Variants in TRDMT1 observed in about 807,000 individuals in gnomAD.
TRDMT1 encodes tRNA (cytosine(38)-C(5))-methyltransferase.
A neutral mutation model predicts 51.2 loss-of-function variants in TRDMT1; 49 were observed. The ratio of observed to expected loss-of-function variants is 0.96; its 90% confidence interval spans 0.76 to 1.21. TRDMT1 has a LOEUF of 1.21. TRDMT1 is among the 50% of genes most tolerant of loss of function. The pLI is 0.00. For synonymous variants in TRDMT1, 187 were observed against 164.6 expected (o/e 1.14, Z -1.04); for missense variants, 534 against 462.3 (o/e 1.16, Z -1.42).
chr10:17,145,771 G>C lies in TRDMT1; in HGVS notation c.*3269C>G. On this transcript the variant is annotated 3_prime_UTR_variant, in exon 11 of 11. Transcript: ENST00000377799. ...ATCAAAGCAAAAGAGCAACCAGAGT[G>C]ACTTTGGTTTGGATGCAGATGCAGC... The C allele has an allele frequency of 1.0e-6, 1 of 985,462 alleles. No homozygotes were observed. The highest frequency in any genetic ancestry group is 1.2e-6 in the Non-Finnish European group (1 of 829,928). 61.0% of individuals were successfully genotyped at this position (985,462 alleles called of 1,614,324 possible). A position where few individuals can be genotyped will look rare whatever the true frequency, so the allele number is the denominator to read the frequency against.
chr10:17,186,747 ATTTAT>A (rs1843986538), intron 1 of TRDMT1, among the ~76,000 whole-genome samples: 1 of 152,218 alleles, frequency 6.6e-6, no homozygotes, highest in African/African-American at 2.4e-5. Context: ...ATGCTATTTT[ATTTAT>A]AATAGTGCAA....
intron 3 of TRDMT1, among the ~76,000 whole-genome samples, chr10:17,163,123 C>G (rs1182606102): frequency 2.6e-5 from 4 of 152,148 alleles, no homozygotes; most frequent in Non-Finnish European, 5.9e-5. Flanking sequence ...GAGACTTAAG[C>G]TGAAGTCTAG....
At position 17,143,966 on chromosome 10, in the gene TRDMT1, G is replaced by A. The variant is rs1837890335; in HGVS notation, c.*5074C>T. 2 of 985,326 alleles carry A rather than the reference G, an allele frequency of 2.0e-6. No homozygotes were observed. The highest frequency in any genetic ancestry group is 6.1e-5 in the Admixed American group (1 of 16,264). The allele number at this position is 985,326 out of a possible 1,614,324, so 61.0% of individuals were successfully genotyped here. A position where few individuals can be genotyped will look rare whatever the true frequency, so the allele number is the denominator to read the frequency against. The stretch of plus-strand genomic sequence containing the variant: ...ATAGCAAGATATCCAAGTTAAAAAT[G>A]TCCCAGCATGAAGATTCTAGAATAG... On this transcript the variant is annotated 3_prime_UTR_variant, in exon 11 of 11. Transcript: ENST00000377799.
chr10:17,179,012 T>G (rs917230628), intron 1 of TRDMT1, among the ~76,000 whole-genome samples: 1 of 151,466 alleles, frequency 6.6e-6, no homozygotes, highest in South Asian at 2.1e-4. Flanking sequence ...GCCAGAGAAG[T>G]GGTGGAAGAG....
chr10:17,195,428 C>T (rs929968545), intron 1 of TRDMT1, among the ~76,000 whole-genome samples: 1 of 151,930 alleles, frequency 6.6e-6, no homozygotes, highest in African/African-American at 2.4e-5. Context: ...AAAAAGATGG[C>T]AACAATAGAC....
intron 1 of TRDMT1, among the ~76,000 whole-genome samples, chr10:17,196,550 TC>T (rs1159524421): frequency 3.3e-5 from 5 of 152,262 alleles, no homozygotes; most frequent in African/African-American, 1.2e-4. Context: ...TGGAAGATTC[TC>T]ATTAGCCAAA....
At chr10:17,168,081 T>C (rs529581021) in intron 3 of TRDMT1, among the ~76,000 whole-genome samples, 102 of 152,198 alleles carry the variant, frequency 6.7e-4, no homozygotes, top group African/African-American at 9.6e-4. Context: ...GGTGGGAGGA[T>C]AGCTTGAGCC....
At position 17,190,727 on chromosome 10, in the gene TRDMT1, T is replaced by C. The variant is rs1199484648; in HGVS notation, c.64+10844A>G. ...CAGAAGGATGATATCTACATCAAGC[T>C]GCAGATATTTCACAGCAAGCATGCC... is the stretch of plus-strand genomic sequence containing the variant. On this transcript the variant is annotated intron_variant, in intron 1 of 10. Transcript: ENST00000377799. Among the ~76,000 whole-genome samples the C allele has an allele frequency of 2.0e-5, 3 of 152,342 alleles. No homozygotes were observed. In the East Asian group the frequency reaches 5.8e-4, roughly 29 times the overall value.
At chr10:17,152,315 A>C (rs7894884) in intron 10 of TRDMT1, among the ~76,000 whole-genome samples, 144,173 of 152,094 alleles carry the variant, frequency 0.95, 68,699 homozygotes, top group Non-Finnish European at 1. Flanking sequence ...ACAAAATAAA[A>C]CTGGTTGCTG....
intron 10 of TRDMT1, chr10:17,152,002 C>T (rs991998943): frequency 7.7e-7 from 1 of 1,296,448 alleles, no homozygotes; most frequent in African/African-American, 1.5e-5. Context: ...GACTACTGCC[C>T]TTTGAAAACA....
At chr10:17,188,163 T>C (rs968731878) in intron 1 of TRDMT1, among the ~76,000 whole-genome samples, 1 of 152,024 alleles carries the variant, frequency 6.6e-6, no homozygotes. Context: ...AGGGTATTTA[T>C]CCCATTTAAC....
chr10:17,201,484 G>C (rs1427084189), intron 1 of TRDMT1, 87 bp downstream of exon 1: 2 of 973,800 alleles, frequency 2.1e-6, no homozygotes, highest in Admixed American at 5.2e-5. Context: ...CGCCCCTTGC[G>C]TCTCGCCGCT....
In TRDMT1 at chr10:17,140,958, A is replaced by G. The variant is rs1564534258; in HGVS notation, c.*8082T>C. ...ACTACCTGCTCGCCCTAATAATTGT[A>G]AAGAGCTGCATAGAGGTATATGTGT... On this transcript the variant is annotated 3_prime_UTR_variant, in exon 11 of 11. Coordinates refer to ENST00000377799, the MANE Select transcript of TRDMT1 (RefSeq NM_004412.7). Among the ~76,000 whole-genome samples the G allele has an allele frequency of 6.6e-6, 1 of 152,204 alleles. No individual in the cohort carries two copies. The highest frequency in any genetic ancestry group is 1.5e-5 in the Non-Finnish European group (1 of 68,038).
At position 17,179,754 on chromosome 10, in the gene TRDMT1, T is replaced by TA. The variant is rs10709345; in HGVS notation, c.65-5095dup. 4.0e-3 allele frequency among the ~76,000 whole-genome samples: 510 copies of TA among 127,010 alleles called. 2 individuals are homozygous for TA. Among genetic ancestry groups the TA allele is most frequent in the Admixed American group, 7.2e-3 (89 of 12,378 alleles). 83.3% of individuals were successfully genotyped at this position (127,010 alleles called of 152,430 possible). ...ACTAGCTGATTCCAATCTCTACTAA[T>TA]AAAAAAAAAAAAAAAAAGGAAAAAC... On this transcript the variant is annotated intron_variant, in intron 1 of 10. Transcript: ENST00000377799.
At chr10:17,170,936 C>T (rs1445343871) in intron 2 of TRDMT1, among the ~76,000 whole-genome samples, 4 of 152,042 alleles carry the variant, frequency 2.6e-5, no homozygotes, top group Non-Finnish European at 5.9e-5. Context: ...TTCCGGCATA[C>T]TCAATCACAT....
chr10:17,139,154 C>G lies in TRDMT1; in HGVS notation c.*9886G>C. ...GTTTCCAAGGTGTGAAGCAATGAAG[C>G]GGAGTTTACCATAGGTGAACCCTCC... On this transcript the variant is annotated 3_prime_UTR_variant, in exon 11 of 11. Transcript: ENST00000377799. The G allele has an allele frequency of 2.0e-6, 2 of 984,346 alleles. No homozygotes were observed. Among genetic ancestry groups the G allele is most frequent in the Non-Finnish European group, 2.4e-6 (2 of 828,980 alleles). 61.0% of individuals were successfully genotyped at this position (984,346 alleles called of 1,614,324 possible).
intron 2 of TRDMT1, among the ~76,000 whole-genome samples, chr10:17,170,932 C>G (rs1588587914): frequency 6.6e-6 from 1 of 152,100 alleles, no homozygotes; most frequent in Admixed American, 6.5e-5. Context: ...TATTTTCCGG[C>G]ATACTCAATC....
chr10:17,160,170 A>C lies in TRDMT1; in HGVS notation c.459+135T>G, dbSNP rs536088488. 3 of 479,700 alleles carry C rather than the reference A, an allele frequency of 6.3e-6. No homozygotes were observed. The South Asian group carries it at 1.9e-4, about 30-fold the overall frequency. 29.7% of individuals were successfully genotyped at this position (479,700 alleles called of 1,614,324 possible). A position where few individuals can be genotyped will look rare whatever the true frequency, so the allele number is the denominator to read the frequency against. On this transcript the variant is annotated intron_variant, in intron 6 of 10. Transcript: ENST00000377799. ...CTAAATTCTTTGGGAAGGAAGACCC[A>C]TAATCTAAACTATTTTCAGTTTACC...
chr10:17,151,970 C>G, intron 10 of TRDMT1: 1 of 1,271,110 alleles, frequency 7.9e-7, no homozygotes, highest in Admixed American at 2.7e-5. Context: ...TGCTCCTTAC[C>G]AAGGTTCAGT....
Sources: allele counts gnomAD v4.1 joint callset (sites outside exome capture counted in the v4.1 genomes callset), GRCh38; gene constraint gnomAD v4.1.1; transcripts MANE v1.5; gene names NCBI Gene and HGNC (gene_info 2026-07-23, HGNC 2026-07-21).